The following RNF180 variants were observed in gnomAD, a reference collection of about 807,000 sequenced individuals.
RNF180 encodes E3 ubiquitin-protein ligase RNF180.
In RNF180, 38 loss-of-function variants were observed where a neutral mutation model predicts 59.2. The observed-to-expected ratio is 0.64, with a 90% CI of 0.50 to 0.84. The LOEUF (loss-of-function observed/expected upper bound fraction) is 0.84, where lower values mean the gene tolerates loss of function less well. Among genes scored for constraint, RNF180 ranks in the 40% least tolerant of loss-of-function variants. RNF180 has a pLI of 0.00. For missense variants in RNF180, 705 were observed against 700.9 expected, an observed-to-expected ratio of 1.01 and a Z score of -0.07; for synonymous variants, 262 against 240.3, an observed-to-expected ratio of 1.09 and a Z score of -0.84.
intron 5 of RNF180, among the ~76,000 whole-genome samples, chr5:64,227,136 A>G (rs1389704546): frequency 1.3e-5 from 2 of 152,264 alleles, no homozygotes; most frequent in East Asian, 3.9e-4. Context: ...CAGCGGCCAC[A>G]AACTAGGTGG....
chr5:64,245,085 G>A (rs1485669025), intron 5 of RNF180, among the ~76,000 whole-genome samples: 1 of 152,158 alleles, frequency 6.6e-6, no homozygotes, highest in East Asian at 1.9e-4. Context: ...TGCTCCTGAA[G>A]GAAGCACTAA....
At position 64,369,829 on chromosome 5, in the gene RNF180, ACT is replaced by A; in HGVS notation, c.*16_*17del. 7.6e-7 allele frequency: 1 copy of A among 1,318,968 alleles called. No homozygotes were observed. The highest frequency in any genetic ancestry group is 1.5e-5 in the African/African-American group (1 of 66,786). The allele number at this position is 1,318,968 out of a possible 1,614,324, so 81.7% of individuals were successfully genotyped here. ...TTCCGTTTTAGGAATTTCATACCTT[ACT>A]ACAATTGACCAATCATAAATGATGT... On this transcript the variant is annotated 3_prime_UTR_variant, in exon 8 of 8. Coordinates refer to ENST00000389100, the MANE Select transcript of RNF180 (RefSeq NM_001113561.2).
chr5:64,206,059 A>G (rs1752001249), intron 2 of RNF180, among the ~76,000 whole-genome samples: 1 of 152,222 alleles, frequency 6.6e-6, no homozygotes, highest in African/African-American at 2.4e-5. Flanking sequence ...CAGATTGTAT[A>G]CTGCACAATT....
chr5:64,278,335 T>C (rs1741834202), intron 5 of RNF180, among the ~76,000 whole-genome samples: 1 of 152,164 alleles, frequency 6.6e-6, no homozygotes, highest in African/African-American at 2.4e-5. Flanking sequence ...TTCTCTGGAC[T>C]GAGAAAGAGT....
At position 64,333,364 on chromosome 5, in the gene RNF180, G is replaced by A. The variant is rs530193011; in HGVS notation, c.1579+2958G>A. 7.6e-4 allele frequency among the ~76,000 whole-genome samples: 115 copies of A among 151,996 alleles called. 1 individual carries two copies. The highest frequency in any genetic ancestry group is 2.5e-3 in the African/African-American group (104 of 41,412). ...AGCTTTTTAGTAGAGAAGGAGTTTCGTCATGTTGGCCAGGCTGGTCTTGAA... is the reference window on the plus strand; with the variant it reads ...AGCTTTTTAGTAGAGAAGGAGTTTCATCATGTTGGCCAGGCTGGTCTTGAA... On this transcript the variant is annotated intron_variant, in intron 7 of 7. Coordinates refer to ENST00000389100, the MANE Select transcript of RNF180 (RefSeq NM_001113561.2).
chr5:64,212,458 C>T (rs1023484238), intron 3 of RNF180, among the ~76,000 whole-genome samples: 1 of 151,822 alleles, frequency 6.6e-6, no homozygotes, highest in Non-Finnish European at 1.5e-5. Flanking sequence ...TACCTAAATA[C>T]ACATATAGCT....
At chr5:64,294,434 A>G (rs556162051) in intron 5 of RNF180, among the ~76,000 whole-genome samples, 33 of 152,346 alleles carry the variant, frequency 2.2e-4, no homozygotes, top group African/African-American at 7.7e-4. Flanking sequence ...GGGGGGTGGC[A>G]AATAGCCACA....
chr5:64,250,685 A>G (rs1269641497), intron 5 of RNF180, among the ~76,000 whole-genome samples: 1 of 152,202 alleles, frequency 6.6e-6, no homozygotes, highest in Non-Finnish European at 1.5e-5. Flanking sequence ...CTTTATGCAT[A>G]CAACCTACCA....
At chr5:64,286,736 T>C (rs1288465177) in intron 5 of RNF180, among the ~76,000 whole-genome samples, 1 of 152,204 alleles carries the variant, frequency 6.6e-6, no homozygotes, top group Non-Finnish European at 1.5e-5. Flanking sequence ...GTTAAGGTAT[T>C]AACTATATAT....
chr5:64,169,988 T>G (rs191692670), intron 1 of RNF180, among the ~76,000 whole-genome samples: 1 of 152,272 alleles, frequency 6.6e-6, no homozygotes, highest in African/African-American at 2.4e-5. Context: ...AGGTAAGGAG[T>G]GAGCCAGTAT....
intron 2 of RNF180, among the ~76,000 whole-genome samples, chr5:64,201,332 G>A (rs779231639): frequency 2.0e-5 from 3 of 151,918 alleles, no homozygotes; most frequent in Non-Finnish European, 2.9e-5. Flanking sequence ...GGTTTTTTTT[G>A]TATTCACTAT....
chr5:64,235,328 T>C (rs1742372733), intron 5 of RNF180, among the ~76,000 whole-genome samples: 1 of 152,238 alleles, frequency 6.6e-6, no homozygotes, highest in South Asian at 2.1e-4. Flanking sequence ...TGAGTATCTT[T>C]ACAGATAATT....
At chr5:64,187,866 A>C (rs1292978935) in intron 1 of RNF180, among the ~76,000 whole-genome samples, 1 of 152,200 alleles carries the variant, frequency 6.6e-6, no homozygotes, top group African/African-American at 2.4e-5. Flanking sequence ...TTTGTGTCCT[A>C]AGGTGTTCTT....
intron 4 of RNF180, among the ~76,000 whole-genome samples, chr5:64,215,067 A>G (rs1325899752): frequency 6.6e-6 from 1 of 152,100 alleles, no homozygotes; most frequent in East Asian, 1.9e-4. Flanking sequence ...CCTTATTGTA[A>G]TTTCGTAGGA....
In RNF180 at chr5:64,229,968, G is replaced by A. The variant is rs139644422; in HGVS notation, c.1227+12572G>A. On this transcript the variant is annotated intron_variant, in intron 5 of 7. Coordinates refer to ENST00000389100, the MANE Select transcript of RNF180 (RefSeq NM_001113561.2). ...AGGTCACACCAGTCAATGACTTCTT[G>A]TCACTAATTATACCTTTTTTTGTCC... is the stretch of plus-strand genomic sequence containing the variant. Among the ~76,000 whole-genome samples the A allele has an allele frequency of 6.3e-3, 962 of 152,270 alleles. 7 individuals carry two copies. The highest frequency in any genetic ancestry group is 0.01 in the Non-Finnish European group (684 of 68,002).
At position 64,370,878 on chromosome 5, in the gene RNF180, T is replaced by TG. The variant is rs1746637839; in HGVS notation, c.*1065dup. On this transcript the variant is annotated 3_prime_UTR_variant, in exon 8 of 8. Coordinates refer to ENST00000389100, the MANE Select transcript of RNF180 (RefSeq NM_001113561.2). ...GAAACCTGGGACAAAGTTTTTATTATGAATTACTAATCCAGTATTACTACA... is the reference window on the plus strand; with the variant it reads ...GAAACCTGGGACAAAGTTTTTATTATGGAATTACTAATCCAGTATTACTACA... 1 of 151,672 alleles carries TG rather than the reference T, an allele frequency of 6.6e-6. No individual in the cohort carries two copies. Among genetic ancestry groups the TG allele is most frequent in the Non-Finnish European group, 1.5e-5 (1 of 67,736 alleles). The allele number at this position is 151,672 out of a possible 1,614,324, so 9.4% of individuals were successfully genotyped here. A position where few individuals can be genotyped will look rare whatever the true frequency, so the allele number is the denominator to read the frequency against.
At chr5:64,293,807 A>T (rs1217734829) in intron 5 of RNF180, among the ~76,000 whole-genome samples, 1 of 152,126 alleles carries the variant, frequency 6.6e-6, no homozygotes, top group African/African-American at 2.4e-5. Context: ...GCTTTATCCT[A>T]ACTTGTGAAC....
intron 7 of RNF180, among the ~76,000 whole-genome samples, chr5:64,349,795 C>T (rs183109941): frequency 6.6e-6 from 1 of 152,080 alleles, no homozygotes. Context: ...GCATAGTATT[C>T]CATGGTGTAT....
intron 2 of RNF180, 111 bp downstream of exon 2, chr5:64,201,053 T>C (rs1237896332): frequency 2.4e-6 from 2 of 826,660 alleles, no homozygotes; most frequent in Non-Finnish European, 3.6e-6. Context: ...TTTATAGTTC[T>C]TTGTCATGAC....
Sources: gnomAD v4.1 joint callset for allele counts (sites outside exome capture counted in the v4.1 genomes callset) on GRCh38, gnomAD v4.1.1 for gene constraint, MANE v1.5 for transcripts, NCBI Gene and HGNC (gene_info 2026-07-23, HGNC 2026-07-21) for gene names.